Variants in BCL2L13 observed in about 807,000 individuals in gnomAD.
BCL2L13 encodes the protein bcl-2-like protein 13.
A neutral mutation model predicts 25.8 loss-of-function variants in BCL2L13; 13 were observed. The ratio of observed to expected loss-of-function variants is 0.50; its 90% CI spans 0.33 to 0.80. BCL2L13 has a LOEUF of 0.80. Among genes scored for constraint, BCL2L13 ranks in the 30% least tolerant of loss-of-function variants. The pLI, the probability that BCL2L13 is intolerant of heterozygous loss-of-function variation, is 0.02. For missense variants in BCL2L13, 504 were observed against 574.9 expected, an observed-to-expected ratio of 0.88 and a Z score of 1.26; for synonymous variants, 244 against 230.3, an observed-to-expected ratio of 1.06 and a Z score of -0.54.
rs770463145 is a variant in BCL2L13, at chr22:17,683,309, G to T, written c.217G>T (p.Glu73Ter). The T allele has an allele frequency of 1.9e-6, 3 of 1,539,052 alleles. No homozygotes were observed. Among genetic ancestry groups the T allele is most frequent in the African/African-American group, 1.4e-5 (1 of 72,042 alleles). ...IEEELKSLDK[E>*]ISEAFTSTGF... ...AGAAGAGCTAAAATCTCTGGACAAA[G>T]AAATTTCTGAAGGTCTGTTTATTCT... is the stretch of plus-strand genomic sequence containing the variant. The change falls in exon 3 of 7, where the codon GAA (glutamate) becomes TAA (stop). Residue 73 changes from glutamate to a stop codon, truncating the protein, a stop_gained. Coordinates refer to ENST00000317582, the MANE Select transcript of BCL2L13 (RefSeq NM_015367.4). LOFTEE classifies it high-confidence loss of function.
At chr22:17,634,528 GT>G (rs575297654), upstream of BCL2L13, among the ~76,000 whole-genome samples, 110 of 152,254 alleles carry the variant, frequency 7.2e-4, no homozygotes, top group Middle Eastern at 3.4e-3. Flanking sequence ...CTGTTTCAAT[GT>G]TTTTCTTTTC....
At chr22:17,641,606 G>A (rs900604311) in intron 1 of BCL2L13, among the ~76,000 whole-genome samples, 2 of 151,958 alleles carry the variant, frequency 1.3e-5, no homozygotes, top group East Asian at 1.9e-4. Flanking sequence ...GTACTTTTTA[G>A]TATATTCACA....
At chr22:17,694,135 A>G (rs1456125419) in intron 4 of BCL2L13, among the ~76,000 whole-genome samples, 1 of 152,092 alleles carries the variant, frequency 6.6e-6, no homozygotes, top group Non-Finnish European at 1.5e-5. Flanking sequence ...ATTTTTAATT[A>G]ATAGATTTTT....
chr22:17,719,549 C>G (rs140114035), intron 6 of BCL2L13, among the ~76,000 whole-genome samples: 3,216 of 152,162 alleles, frequency 0.021, 49 homozygotes, highest in South Asian at 0.057. Flanking sequence ...TCGTGCCTAC[C>G]TACAATGAAA....
intron 3 of BCL2L13, among the ~76,000 whole-genome samples, chr22:17,685,301 C>T (rs149299072): frequency 1.3e-5 from 2 of 152,172 alleles, no homozygotes; most frequent in Non-Finnish European, 1.5e-5. Context: ...TCTGGGCTCA[C>T]TGCAACCTCC....
chr22:17,634,928 A>T (rs2058080464), upstream of BCL2L13, among the ~76,000 whole-genome samples: 1 of 151,818 alleles, frequency 6.6e-6, no homozygotes, highest in Non-Finnish European at 1.5e-5. Flanking sequence ...AGCCTGGGTA[A>T]CAGAGTGGAA....
At chr22:17,654,863 A>G (rs966715164) in intron 1 of BCL2L13, among the ~76,000 whole-genome samples, 3 of 152,026 alleles carry the variant, frequency 2.0e-5, no homozygotes, top group African/African-American at 7.2e-5. Context: ...CTGGGACCAT[A>G]GGCAGGCCCT....
chr22:17,651,714 G>C (rs984551267), intron 1 of BCL2L13, among the ~76,000 whole-genome samples: 2 of 149,942 alleles, frequency 1.3e-5, no homozygotes, highest in South Asian at 4.2e-4. Context: ...TTTTTGAGAC[G>C]GAGTCTCACT....
chr22:17,699,201 C>T (rs1167059143), intron 5 of BCL2L13, among the ~76,000 whole-genome samples: 1 of 152,072 alleles, frequency 6.6e-6, no homozygotes, highest in Non-Finnish European at 1.5e-5. Context: ...AAAGACAAAC[C>T]TAATCAATGA....
intron 2 of BCL2L13, among the ~76,000 whole-genome samples, chr22:17,667,203 C>G (rs531316913): frequency 1.3e-5 from 2 of 152,050 alleles, no homozygotes; most frequent in Non-Finnish European, 2.9e-5. Context: ...TAGTTTCCCC[C>G]CCAACCCCAC....
At chr22:17,679,199 T>G (rs1257529592) in intron 2 of BCL2L13, among the ~76,000 whole-genome samples, 1 of 151,898 alleles carries the variant, frequency 6.6e-6, no homozygotes, top group East Asian at 1.9e-4. Context: ...ATTATTGATG[T>G]GATTGTGAAT....
intron 1 of BCL2L13, among the ~76,000 whole-genome samples, chr22:17,648,912 A>G (rs1253509689): frequency 1.3e-5 from 2 of 152,146 alleles, no homozygotes; most frequent in Non-Finnish European, 2.9e-5. Context: ...AAATTTGAAT[A>G]CAACAAATTA....
chr22:17,727,606 C>T lies in BCL2L13; in HGVS notation c.*72C>T. The stretch of plus-strand genomic sequence containing the variant: ...TATTGGCTGGAATTTGAACCTCCAG[C>T]AGCTGTCTGGACATTTGTGGAACAC... On this transcript the variant is annotated 3_prime_UTR_variant, in exon 7 of 7. Coordinates refer to ENST00000317582, the MANE Select transcript of BCL2L13 (RefSeq NM_015367.4). The T allele has an allele frequency of 1.3e-6, 2 of 1,568,516 alleles. No homozygotes were observed. The highest frequency in any genetic ancestry group is 1.7e-6 in the Non-Finnish European group (2 of 1,155,426).
At chr22:17,673,831 G>C (rs1238007792) in intron 2 of BCL2L13, among the ~76,000 whole-genome samples, 2 of 151,534 alleles carry the variant, frequency 1.3e-5, no homozygotes, top group Admixed American at 6.6e-5. Context: ...TTATTTTATT[G>C]TGTTTTTTTA....
Position 17,683,318 on chromosome 22 carries a change from G to C in BCL2L13, c.226G>C (p.Glu76Gln), listed in dbSNP as rs763183133. The C allele has an allele frequency of 6.6e-7, 1 of 1,515,008 alleles. No homozygotes were observed. The highest frequency in any genetic ancestry group is 1.2e-5 in the South Asian group (1 of 84,304). 93.8% of individuals were successfully genotyped at this position (1,515,008 alleles called of 1,614,324 possible). ...ELKSLDKEIS[E>Q]AFTSTGFDRH... is the part of the protein sequence containing the mutation. ...AAAATCTCTGGACAAAGAAATTTCT[G>C]AAGGTCTGTTTATTCTTATTTTTCT... Residue 76 changes from glutamate (E) to glutamine (Q), a missense_variant, in exon 3 of 7, where the codon GAA becomes CAA. Glu to Gln is a conservative substitution (Grantham distance 29). Coordinates refer to ENST00000317582, the MANE Select transcript of BCL2L13 (RefSeq NM_015367.4).
At chr22:17,662,294 C>T (rs1173140002) in intron 2 of BCL2L13, among the ~76,000 whole-genome samples, 2 of 152,074 alleles carry the variant, frequency 1.3e-5, no homozygotes, top group African/African-American at 4.8e-5. Flanking sequence ...CTGGCTAACA[C>T]AGTGAAACCT....
intron 6 of BCL2L13, 27 bp downstream of exon 6, chr22:17,702,413 T>C: frequency 6.7e-7 from 1 of 1,495,764 alleles, no homozygotes; most frequent in Non-Finnish European, 8.9e-7. Context: ...ATTAAAAATA[T>C]TTTCTTGAAA....
At chr22:17,630,047 C>T (rs2057973698) in intron 1 of BCL2L13, among the ~76,000 whole-genome samples, 1 of 151,224 alleles carries the variant, frequency 6.6e-6, no homozygotes, top group Non-Finnish European at 1.5e-5. Context: ...GGAGAAACCC[C>T]AGTCTCTACT....
intron 6 of BCL2L13, among the ~76,000 whole-genome samples, chr22:17,704,396 T>C (rs1263984443): frequency 6.6e-6 from 1 of 152,126 alleles, no homozygotes; most frequent in Non-Finnish European, 1.5e-5. Context: ...TCATTAATAT[T>C]TCAAATGTGT....
Sources: allele counts gnomAD v4.1 joint callset (sites outside exome capture counted in the v4.1 genomes callset), GRCh38; gene constraint gnomAD v4.1.1; transcripts MANE v1.5; gene names NCBI Gene and HGNC (gene_info 2026-07-23, HGNC 2026-07-21).